Variants in EIF4G3 observed in about 807,000 individuals in gnomAD.
EIF4G3 encodes the protein eukaryotic translation initiation factor 4 gamma 3, also known as eIF-4-gamma 3.
A neutral mutation model predicts 186.4 loss-of-function variants in EIF4G3; 34 were observed. The observed-to-expected ratio is 0.18, with a 90% CI of 0.14 to 0.24. EIF4G3 has a LOEUF of 0.24. Among genes scored for constraint, EIF4G3 ranks in the 10% least tolerant of loss-of-function variants. The pLI is 1.00. For synonymous variants in EIF4G3, 673 were observed against 679.5 expected (o/e 0.99, Z 0.15); for missense variants, 1,536 against 1,948.5 (o/e 0.79, Z 3.99).
intron 2 of EIF4G3, among the ~76,000 whole-genome samples, chr1:21,090,745 A>C (rs1196640900): frequency 6.6e-6 from 1 of 152,166 alleles, no homozygotes; most frequent in African/African-American, 2.4e-5. Flanking sequence ...TACAAGAAAA[A>C]CTACTGCTCT....
intron 2 of EIF4G3, among the ~76,000 whole-genome samples, chr1:21,125,634 G>A (rs1453999906): frequency 9.2e-5 from 14 of 151,898 alleles, no homozygotes; most frequent in African/African-American, 3.1e-4. Context: ...CAGGAGAATC[G>A]CTTGAGCCTG....
intron 14 of EIF4G3, among the ~76,000 whole-genome samples, chr1:20,911,318 A>C (rs1156557827): frequency 6.6e-6 from 1 of 152,108 alleles, no homozygotes; most frequent in Non-Finnish European, 1.5e-5. Flanking sequence ...CTGTAATCCC[A>C]ACACTTTTGG....
chr1:20,841,827 G>A (rs2068697275), intron 29 of EIF4G3, among the ~76,000 whole-genome samples: 1 of 145,314 alleles, frequency 6.9e-6, no homozygotes, highest in Admixed American at 7.0e-5. Context: ...ACAATCTTTT[G>A]GTTCAACCTT....
rs1178123292 is a variant in EIF4G3, at chr1:20,864,635, G to C, written c.2847C>G (p.Ile949Met). ...DKARRRSIGN[I>M]KFIGELFKLK... The stretch of plus-strand genomic sequence containing the variant: ...GTTTAAAGAGTTCTCCAATAAACTT[G>C]ATGTTGCCAATGGATCTCCGCCGGG... The change falls in exon 22 of 37, where the codon ATC becomes ATG. Residue 949 changes from isoleucine to methionine, a missense_variant. Ile to Met is a conservative substitution (Grantham distance 10, BLOSUM62 1). Around this residue, in one of 11 missense-constraint regions of EIF4G3, gnomAD observed 77 missense variants for 131.6 expected, o/e 0.59. Coordinates refer to ENST00000602326, the MANE Select transcript of EIF4G3 (RefSeq NM_001391906.1). 6.2e-7 allele frequency: 1 copy of C among 1,614,146 alleles called. No individual in the cohort carries two copies. Among genetic ancestry groups the C allele is most frequent in the Non-Finnish European group, 8.5e-7 (1 of 1,180,000 alleles).
chr1:20,913,219 C>G (rs1412781795), intron 14 of EIF4G3, among the ~76,000 whole-genome samples: 2 of 152,100 alleles, frequency 1.3e-5, no homozygotes, highest in Non-Finnish European at 2.9e-5. Context: ...GAGGTCCTAG[C>G]ACTAGAAACA....
Position 20,853,680 on chromosome 1 carries a change from AC to A in EIF4G3, c.3434-4del. 6.2e-7 allele frequency: 1 copy of A among 1,602,992 alleles called. No individual in the cohort carries two copies. Among genetic ancestry groups the A allele is most frequent in the Admixed American group, 1.7e-5 (1 of 59,834 alleles). ...GGAAGCACTTGACCGTAAGGCATCT[AC>A]ACATGTCGAGGATTTAGAAAAAAAT... On this transcript the variant is annotated splice_region_variant and splice_polypyrimidine_tract_variant and intron_variant, in intron 26 of 36. Coordinates refer to ENST00000602326, the MANE Select transcript of EIF4G3 (RefSeq NM_001391906.1).
intron 19 of EIF4G3, among the ~76,000 whole-genome samples, chr1:20,885,839 G>A (rs1572201979): frequency 6.6e-6 from 1 of 152,146 alleles, no homozygotes; most frequent in Admixed American, 6.5e-5. Context: ...ATGAAGGCCT[G>A]ACAAGGAACA....
intron 13 of EIF4G3, among the ~76,000 whole-genome samples, chr1:20,948,005 C>A (rs528488589): frequency 6.6e-6 from 1 of 152,212 alleles, no homozygotes; most frequent in African/African-American, 2.4e-5. Context: ...TCAGGAAGGA[C>A]AGAACTATCA....
chr1:20,990,860 C>T (rs561472469), intron 7 of EIF4G3, among the ~76,000 whole-genome samples: 5 of 152,194 alleles, frequency 3.3e-5, no homozygotes, highest in East Asian at 1.9e-4. Context: ...GCAATATCTC[C>T]GAGGCATGCC....
At chr1:21,119,165 G>A (rs2096882720) in intron 2 of EIF4G3, among the ~76,000 whole-genome samples, 1 of 151,996 alleles carries the variant, frequency 6.6e-6, no homozygotes, top group Non-Finnish European at 1.5e-5. Context: ...TTATTCTGAA[G>A]CCTATCTAGT....
intron 2 of EIF4G3, among the ~76,000 whole-genome samples, chr1:21,096,386 G>T (rs2096370510): frequency 6.6e-6 from 1 of 152,176 alleles, no homozygotes; most frequent in Non-Finnish European, 1.5e-5. Context: ...GACTCACAAG[G>T]AGTAGGGGGA....
At chr1:20,825,290 A>T in intron 32 of EIF4G3, 92 bp from the exon 33 acceptor site, 1 of 979,048 alleles carries the variant, frequency 1.0e-6, no homozygotes, top group East Asian at 2.6e-5. Context: ...GAAGTCAAAC[A>T]GTGCAAACCC....
At chr1:20,869,306 ATTTTTTTTTTT>A (rs954573350) in intron 20 of EIF4G3, among the ~76,000 whole-genome samples, 2 of 97,398 alleles carry the variant, frequency 2.1e-5, no homozygotes, top group African/African-American at 8.3e-5. Flanking sequence ...TTACTTTAAA[ATTTTTTTTTTT>A]TTTTTTTTTT....
intron 3 of EIF4G3, among the ~76,000 whole-genome samples, chr1:21,068,894 T>C (rs1225592989): frequency 1.3e-5 from 2 of 152,184 alleles, no homozygotes; most frequent in African/African-American, 2.4e-5. Context: ...GCACCCCCAA[T>C]CTGAAAATCC....
intron 2 of EIF4G3, among the ~76,000 whole-genome samples, chr1:21,174,021 T>C (rs2098047078): frequency 6.6e-6 from 1 of 152,214 alleles, no homozygotes; most frequent in African/African-American, 2.4e-5. Context: ...TATAATAAAA[T>C]TTTCTATTTT....
At chr1:20,867,492 A>C (rs2077834849) in intron 20 of EIF4G3, among the ~76,000 whole-genome samples, 1 of 152,176 alleles carries the variant, frequency 6.6e-6, no homozygotes. Flanking sequence ...CAAGTCACTC[A>C]GTTTCCCCAA....
chr1:21,023,644 A>G (rs2091379146), intron 4 of EIF4G3, among the ~76,000 whole-genome samples: 4 of 151,820 alleles, frequency 2.6e-5, no homozygotes, highest in Non-Finnish European at 4.4e-5. Context: ...TTGGCCTCCC[A>G]AAGTGCCGAG....
At chr1:21,098,527 G>A (rs1307707309) in intron 2 of EIF4G3, among the ~76,000 whole-genome samples, 3 of 123,480 alleles carry the variant, frequency 2.4e-5, no homozygotes, top group East Asian at 4.5e-4. Flanking sequence ...CAACCAGAGC[G>A]AGGCCCTGTC....
At chr1:21,088,797 G>A (rs2096078175) in intron 3 of EIF4G3, among the ~76,000 whole-genome samples, 1 of 151,862 alleles carries the variant, frequency 6.6e-6, no homozygotes, top group South Asian at 2.1e-4. Flanking sequence ...CCCAGGAGGC[G>A]GAGGTTGCAA....
Sources: allele counts gnomAD v4.1 joint callset (sites outside exome capture counted in the v4.1 genomes callset), GRCh38; gene constraint gnomAD v4.1.1; regional missense constraint gnomAD v4.1.1; transcripts MANE v1.5; gene names NCBI Gene and HGNC (gene_info 2026-07-23, HGNC 2026-07-21).